The following RAB7B variants were observed in gnomAD, a reference collection of about 807,000 sequenced individuals.
RAB7B encodes the protein ras-related protein Rab-7b.
intron 1 of RAB7B, among the ~76,000 whole-genome samples, chr1:205,997,042 A>G (rs1159472299): frequency 2.0e-5 from 3 of 152,190 alleles, no homozygotes; most frequent in Admixed American, 2.0e-4. Flanking sequence ...CATAGACCAA[A>G]GGCGATTTGA....
chr1:205,989,819 C>T (rs1247207323), intron 4 of RAB7B, among the ~76,000 whole-genome samples: 2 of 152,172 alleles, frequency 1.3e-5, no homozygotes, highest in Non-Finnish European at 1.5e-5. Context: ...GGAGACCCCA[C>T]CTCAAACTCC....
chr1:205,991,364 G>T (rs1389015095), intron 4 of RAB7B, among the ~76,000 whole-genome samples: 1 of 152,188 alleles, frequency 6.6e-6, no homozygotes, highest in African/African-American at 2.4e-5. Context: ...TGTAATTAGA[G>T]AATTGACATG....
At chr1:205,980,265 C>A (rs1402162610) in intron 5 of RAB7B, among the ~76,000 whole-genome samples, 2 of 152,208 alleles carry the variant, frequency 1.3e-5, no homozygotes, top group Admixed American at 6.5e-5. Context: ...GAGAAATGTC[C>A]TCATTTGTTG....
At chr1:205,986,685 A>G (rs1660614443) in intron 4 of RAB7B, among the ~76,000 whole-genome samples, 1 of 152,248 alleles carries the variant, frequency 6.6e-6, no homozygotes, top group East Asian at 1.9e-4. Flanking sequence ...TTACTTCCAA[A>G]GACAATTGGT....
chr1:205,999,398 A>C (rs1212297987), intron 1 of RAB7B, among the ~76,000 whole-genome samples: 1 of 152,390 alleles, frequency 6.6e-6, no homozygotes, highest in East Asian at 1.9e-4. Context: ...CTAACTATCA[A>C]GGAAATTAAC....
rs1339152334 is a variant in RAB7B, at chr1:205,993,405, A to AGGAG, written c.180+11_180+14dup. 4 of 398,388 alleles carry AGGAG rather than the reference A, an allele frequency of 1.0e-5. No homozygotes were observed. Among genetic ancestry groups the AGGAG allele is most frequent in the African/African-American group, 8.2e-5 (4 of 48,600 alleles). The allele number at this position is 398,388 out of a possible 1,614,324, so 24.7% of individuals were successfully genotyped here. ...AGTGTATGTATGTTGAAGAGGGAAA[A>AGGAG]GGAGGGCTGCTCACCTGTAACTTCA... On this transcript the variant is annotated intron_variant, in intron 3 of 5. Coordinates refer to ENST00000617070, the MANE Select transcript of RAB7B (RefSeq NM_001164522.3).
chr1:205,999,013 T>C (rs1660850678), intron 1 of RAB7B, among the ~76,000 whole-genome samples: 2 of 152,166 alleles, frequency 1.3e-5, no homozygotes, highest in Non-Finnish European at 2.9e-5. Flanking sequence ...AGAGCAGGGT[T>C]TGAAGCTGGG....
At chr1:205,989,097 C>T (rs1660671834) in intron 4 of RAB7B, among the ~76,000 whole-genome samples, 1 of 151,958 alleles carries the variant, frequency 6.6e-6, no homozygotes, top group Non-Finnish European at 1.5e-5. Context: ...CCTGGGCCTA[C>T]CTTGTTGAGA....
chr1:205,998,196 A>G (rs1445286450), intron 1 of RAB7B, among the ~76,000 whole-genome samples: 2 of 152,176 alleles, frequency 1.3e-5, no homozygotes, highest in African/African-American at 4.8e-5. Flanking sequence ...TCTATTAAAA[A>G]TACAAAAAAA....
At chr1:206,001,744 C>T (rs1660896136) in intron 1 of RAB7B, among the ~76,000 whole-genome samples, 1 of 152,224 alleles carries the variant, frequency 6.6e-6, no homozygotes, top group African/African-American at 2.4e-5. Flanking sequence ...AGCCTGGAGT[C>T]CTGGTCCTGC....
intron 4 of RAB7B, among the ~76,000 whole-genome samples, chr1:205,986,884 C>T (rs1660617686): frequency 6.6e-6 from 1 of 152,116 alleles, no homozygotes; most frequent in Non-Finnish European, 1.5e-5. Context: ...AAACACTGCC[C>T]CTGTTTAATT....
At chr1:205,990,709 G>A (rs1660706315) in intron 4 of RAB7B, among the ~76,000 whole-genome samples, 2 of 151,970 alleles carry the variant, frequency 1.3e-5, no homozygotes, top group South Asian at 4.1e-4. Flanking sequence ...GCTTCCGAAG[G>A]ACCCACAGGA....
Position 205,977,865 on chromosome 1 carries a change from AC to A in RAB7B, c.*985del, listed in dbSNP as rs1402510440. Reference sequence around the variant, plus strand: ...CTGGACCACTTCATCTAAAATAGCAACTCATCCCACCCCCTGTCACTCTATC... The same window carrying A: ...CTGGACCACTTCATCTAAAATAGCAATCATCCCACCCCCTGTCACTCTATC... On this transcript the variant is annotated 3_prime_UTR_variant, in exon 6 of 6. Coordinates refer to ENST00000617070, the MANE Select transcript of RAB7B (RefSeq NM_001164522.3). 1 of 151,638 alleles carries A rather than the reference AC, an allele frequency of 6.6e-6. No homozygotes were observed. The highest frequency in any genetic ancestry group is 1.5e-5 in the Non-Finnish European group (1 of 67,932). 9.4% of individuals were successfully genotyped at this position (151,638 alleles called of 1,614,324 possible).
intron 5 of RAB7B, among the ~76,000 whole-genome samples, chr1:205,979,189 C>T (rs1398873820): frequency 2.6e-5 from 4 of 152,158 alleles, no homozygotes; most frequent in Non-Finnish European, 4.4e-5. Flanking sequence ...CCAGCCATGT[C>T]CTATAACTTT....
In RAB7B at chr1:205,988,229, G is replaced by C. The variant is rs1416185640; in HGVS notation, c.397-2564C>G. ...TATATGATGTATGTATGTGTGTGTG[G>C]GTTTTTTTTTTTTTTTTCTTTTAGT... is the stretch of plus-strand genomic sequence containing the variant. On this transcript the variant is annotated intron_variant, in intron 4 of 5. Transcript: ENST00000617070. Among the ~76,000 whole-genome samples the C allele has an allele frequency of 6.3e-5, 7 of 111,482 alleles. No individual in the cohort carries two copies. In the Admixed American group the frequency reaches 7.3e-4, roughly 12 times the overall value. 73.1% of individuals were successfully genotyped at this position (111,482 alleles called of 152,430 possible).
At chr1:205,998,254 G>A (rs1328587027) in intron 1 of RAB7B, among the ~76,000 whole-genome samples, 3 of 152,192 alleles carry the variant, frequency 2.0e-5, no homozygotes, top group African/African-American at 7.2e-5. Context: ...TACTTAGGAG[G>A]CTGAGGCAGG....
At chr1:205,991,987 A>AGT (rs1660729557) in intron 4 of RAB7B, among the ~76,000 whole-genome samples, 1 of 152,222 alleles carries the variant, frequency 6.6e-6, no homozygotes, top group Non-Finnish European at 1.5e-5. Context: ...CTTCCCCAGA[A>AGT]AACTTGTATA....
intron 5 of RAB7B, among the ~76,000 whole-genome samples, chr1:205,984,932 T>C (rs1660563095): frequency 6.6e-6 from 1 of 151,900 alleles, no homozygotes; most frequent in South Asian, 2.1e-4. Flanking sequence ...GCATGGGCTG[T>C]CTGTGAGCCC....
At chr1:205,983,349 C>T (rs1215926834) in intron 5 of RAB7B, among the ~76,000 whole-genome samples, 1 of 152,156 alleles carries the variant, frequency 6.6e-6, no homozygotes, top group Non-Finnish European at 1.5e-5. Context: ...ACCTTCCAAA[C>T]TTTCTGACAT....
Sources: gnomAD v4.1 joint callset for allele counts (sites outside exome capture counted in the v4.1 genomes callset) on GRCh38, gnomAD v4.1.1 for gene constraint, MANE v1.5 for transcripts, NCBI Gene and HGNC (gene_info 2026-07-23, HGNC 2026-07-21) for gene names.